CELF1: variants seen among roughly 807,000 people sequenced by gnomAD.
The protein encoded by CELF1 is CUGBP Elav-like family member 1, also known as 50 kDa nuclear polyadenylated RNA-binding protein.
A neutral mutation model predicts 61.8 loss-of-function variants in CELF1; 10 were observed. The observed-to-expected ratio is 0.16, with a 90% CI of 0.10 to 0.27. CELF1 has a LOEUF of 0.27. Among genes scored for constraint, CELF1 ranks in the 10% least tolerant of loss-of-function variants. CELF1 has a pLI of 1.00. For synonymous variants in CELF1, 236 were observed against 225.1 expected (o/e 1.05, Z -0.43); for missense variants, 380 against 639.1 (o/e 0.59, Z 4.37).
chr11:47,489,035 T>C lies in CELF1; in HGVS notation c.72-11A>G. On this transcript the variant is annotated splice_polypyrimidine_tract_variant and intron_variant, in intron 3 of 14. Transcript: ENST00000687097. ...TTCATTTTCTTTGAGCTGTGTGAGATAAAATGAAACTTCTATTATGTAATA... is the reference window on the plus strand; with the variant it reads ...TTCATTTTCTTTGAGCTGTGTGAGACAAAATGAAACTTCTATTATGTAATA... The C allele has an allele frequency of 6.5e-7, 1 of 1,540,116 alleles. No individual in the cohort carries two copies. The highest frequency in any genetic ancestry group is 2.4e-5 in the East Asian group (1 of 42,232).
intron 9 of CELF1, chr11:47,482,302 G>T (rs531052291): frequency 1.3e-5 from 2 of 155,598 alleles, no homozygotes; most frequent in African/African-American, 4.8e-5. Flanking sequence ...ATACTCTTTA[G>T]GAAAGACTCA....
intron 4 of CELF1, 82 bp from the exon 5 acceptor site, chr11:47,487,323 G>C (rs2088019079): frequency 9.9e-7 from 1 of 1,014,214 alleles, no homozygotes; most frequent in Non-Finnish European, 1.5e-6. Context: ...TGACAGATCA[G>C]ATCTTAAAAG....
At chr11:47,508,145 T>A (rs1359849096) in intron 1 of CELF1, among the ~76,000 whole-genome samples, 1 of 152,308 alleles carries the variant, frequency 6.6e-6, no homozygotes, top group South Asian at 2.1e-4. Flanking sequence ...TTAGGAGATA[T>A]CAACTTTTAC....
At chr11:47,545,069 G>C in intron 1 of CELF1, among the ~76,000 whole-genome samples, 1 of 152,154 alleles carries the variant, frequency 6.6e-6, no homozygotes, top group East Asian at 1.9e-4. Flanking sequence ...GATAACTTGA[G>C]ATCAGGAGTT....
At position 47,496,649 on chromosome 11, in the gene CELF1, C is replaced by T. The variant is rs148445186; in HGVS notation, c.71+2804G>A. Among the ~76,000 whole-genome samples, 447 of 152,100 alleles carry T rather than the reference C, an allele frequency of 2.9e-3. 1 individual carries two copies. Among genetic ancestry groups the T allele is most frequent in the African/African-American group, 0.01 (418 of 41,500 alleles). ...GAGTAGGCAACTAGAAAAAGTGCTA[C>T]GTGGCATGGAGGAAAGAGGCCTAAG... On this transcript the variant is annotated intron_variant, in intron 3 of 14. Transcript: ENST00000687097.
Position 47,471,825 on chromosome 11 carries a change from T to C in CELF1, c.*405A>G, listed in dbSNP as rs955290495. ...TTTTGTTCCACTCAGTCCTCTCTCT[T>C]GGGGTGGTTTGGGGCAAATCCTGAT... On this transcript the variant is annotated 3_prime_UTR_variant, in exon 15 of 15. Transcript: ENST00000687097. 1.8e-5 allele frequency: 3 copies of C among 167,622 alleles called. No individual in the cohort carries two copies. The highest frequency in any genetic ancestry group is 4.7e-5 in the African/African-American group (2 of 42,118). The allele number at this position is 167,622 out of a possible 1,614,324, so 10.4% of individuals were successfully genotyped here. A position where few individuals can be genotyped will look rare whatever the true frequency, so the allele number is the denominator to read the frequency against.
At chr11:47,494,276 AC>A (rs768958749) in intron 3 of CELF1, 17 of 523,128 alleles carry the variant, frequency 3.2e-5, no homozygotes, top group Non-Finnish European at 4.2e-5. Context: ...GATGAAACCT[AC>A]CCCCTCTCTT....
intron 1 of CELF1, among the ~76,000 whole-genome samples, chr11:47,516,364 C>T (rs1485270370): frequency 6.6e-6 from 1 of 152,084 alleles, no homozygotes; most frequent in African/African-American, 2.4e-5. Flanking sequence ...CAAATTCCCC[C>T]GAATTTAGTT....
intron 1 of CELF1, among the ~76,000 whole-genome samples, chr11:47,545,438 C>T (rs927856943): frequency 1.3e-5 from 2 of 151,914 alleles, no homozygotes; most frequent in African/African-American, 4.8e-5. Flanking sequence ...CTCAAAAGAA[C>T]AAATAAATAC....
At chr11:47,475,040 AG>A (rs1248615144) in intron 13 of CELF1, among the ~76,000 whole-genome samples, 1 of 152,262 alleles carries the variant, frequency 6.6e-6, no homozygotes, top group Non-Finnish European at 1.5e-5. Flanking sequence ...ACCTCCTAAC[AG>A]AAACATTCTT....
chr11:47,545,867 C>CTGTGTGTGTGTGTGTGTG, intron 1 of CELF1, among the ~76,000 whole-genome samples: 2 of 121,652 alleles, frequency 1.6e-5, no homozygotes, highest in East Asian at 2.7e-4. Flanking sequence ...GTGTGTGTGT[C>CTGTGTGTGTGTGTGTGTG]TGCGTGTGTG....
At chr11:47,487,294 A>G in intron 4 of CELF1, 53 bp from the exon 5 acceptor site, 1 of 1,382,606 alleles carries the variant, frequency 7.2e-7, no homozygotes, top group Non-Finnish European at 1.0e-6. Context: ...GAGAATTCCT[A>G]GAGCAATCCT....
chr11:47,551,137 T>C (rs1565914992), intron 1 of CELF1, among the ~76,000 whole-genome samples: 1 of 152,236 alleles, frequency 6.6e-6, no homozygotes, highest in East Asian at 1.9e-4. Flanking sequence ...AGAAAAGATA[T>C]TCCATCTCTA....
chr11:47,483,244 G>A (rs1469972451), intron 8 of CELF1, among the ~76,000 whole-genome samples: 1 of 152,076 alleles, frequency 6.6e-6, no homozygotes, highest in Admixed American at 6.6e-5. Flanking sequence ...CAGCCCAGGT[G>A]ACAAAGTAAG....
At chr11:47,477,035 C>A in intron 11 of CELF1, 76 bp from the exon 12 acceptor site, 2 of 1,247,654 alleles carry the variant, frequency 1.6e-6, no homozygotes, top group South Asian at 1.2e-5. Context: ...TGTCACTATC[C>A]AAGTATGCTA....
intron 1 of CELF1, among the ~76,000 whole-genome samples, chr11:47,534,445 G>A (rs940361197): frequency 1.3e-5 from 2 of 151,974 alleles, no homozygotes; most frequent in South Asian, 2.1e-4. Flanking sequence ...AAATAAAGCT[G>A]GCCGGGCGCC....
intron 1 of CELF1, among the ~76,000 whole-genome samples, chr11:47,525,113 C>T (rs149786128): frequency 1.5e-4 from 23 of 152,296 alleles, no homozygotes; most frequent in African/African-American, 5.5e-4. Context: ...ATTCTCCATT[C>T]GAGTGAACAA....
chr11:47,495,019 G>A (rs1443335637), intron 3 of CELF1, among the ~76,000 whole-genome samples: 1 of 152,148 alleles, frequency 6.6e-6, no homozygotes, highest in Admixed American at 6.6e-5. Flanking sequence ...GCCAAATGCT[G>A]GGATTATAGG....
At position 47,499,550 on chromosome 11, in the gene CELF1, A is replaced by C. The variant is rs1221701401; in HGVS notation, c.-27T>G. 18 of 1,520,214 alleles carry C rather than the reference A, an allele frequency of 1.2e-5. No homozygotes were observed. The Admixed American group carries it at 3.5e-4, about 30-fold the overall frequency. The allele number at this position is 1,520,214 out of a possible 1,614,324, so 94.2% of individuals were successfully genotyped here. ...ACCTCACTCTCCCCTTCAGAAGCCA[A>C]TGATATTAACTTGCTGCACTTGTCT... On this transcript the variant is annotated 5_prime_UTR_variant, in exon 3 of 15. Coordinates refer to ENST00000687097, the MANE Select transcript of CELF1 (RefSeq NM_001376376.1).
Sources: allele counts gnomAD v4.1 joint callset (sites outside exome capture counted in the v4.1 genomes callset), GRCh38; gene constraint gnomAD v4.1.1; transcripts MANE v1.5; gene names NCBI Gene and HGNC (gene_info 2026-07-23, HGNC 2026-07-21).